The following PABPC4L variants were observed in gnomAD, a reference collection of about 807,000 sequenced individuals.
PABPC4L encodes polyadenylate-binding protein 4-like.
For missense variants in PABPC4L, 452 were observed against 451.4 expected (o/e 1.00, Z -0.01); for synonymous variants, 169 against 164.1 (o/e 1.03, Z -0.23).
the PABPC4L span, among the ~76,000 whole-genome samples, chr4:134,068,628 AGT>A: frequency 6.6e-6 from 1 of 152,024 alleles, no homozygotes; most frequent in African/African-American, 2.4e-5. Flanking sequence ...TATGTACCTC[AGT>A]GTGTTTTTGT....
chr4:134,001,306 A>G, the PABPC4L span, among the ~76,000 whole-genome samples: 1 of 151,868 alleles, frequency 6.6e-6, no homozygotes, highest in Non-Finnish European at 1.5e-5. Flanking sequence ...TAGTAAGGCT[A>G]GTGAACTGGA....
At chr4:134,071,777 G>T in the PABPC4L span, among the ~76,000 whole-genome samples, 1 of 152,120 alleles carries the variant, frequency 6.6e-6, no homozygotes, top group African/African-American at 2.4e-5. Context: ...ACCAGGAAGT[G>T]AAACAATTTA....
At chr4:133,990,165 A>G in the PABPC4L span, among the ~76,000 whole-genome samples, 1 of 152,128 alleles carries the variant, frequency 6.6e-6, no homozygotes, top group African/African-American at 2.4e-5. Context: ...GCACATCACA[A>G]ACATTGATTT....
the PABPC4L span, among the ~76,000 whole-genome samples, chr4:134,142,963 A>G: frequency 1.4e-4 from 21 of 151,554 alleles, no homozygotes; most frequent in Non-Finnish European, 2.5e-4. Flanking sequence ...GGCCTTGTCT[A>G]GTCTAGTCAG....
At chr4:134,056,036 G>C in the PABPC4L span, among the ~76,000 whole-genome samples, 1 of 151,882 alleles carries the variant, frequency 6.6e-6, no homozygotes, top group Non-Finnish European at 1.5e-5. Context: ...AACTATTGAT[G>C]TCCAAATTGC....
At chr4:134,111,874 A>T in the PABPC4L span, among the ~76,000 whole-genome samples, 11 of 152,100 alleles carry the variant, frequency 7.2e-5, no homozygotes, top group Non-Finnish European at 1.6e-4. Flanking sequence ...TGTCTTTGTC[A>T]GCAGCGTGAA....
the PABPC4L span, among the ~76,000 whole-genome samples, chr4:134,073,969 C>T: frequency 1.3e-5 from 2 of 152,168 alleles, no homozygotes; most frequent in Admixed American, 6.5e-5. Context: ...GCCTCCAGGC[C>T]TGATGGAGGG....
At chr4:134,061,499 G>T in the PABPC4L span, among the ~76,000 whole-genome samples, 4 of 151,772 alleles carry the variant, frequency 2.6e-5, no homozygotes, top group African/African-American at 9.7e-5. Context: ...AAAGACAACA[G>T]AGATGTAAAG....
the PABPC4L span, among the ~76,000 whole-genome samples, chr4:133,954,632 A>C: frequency 1.1e-4 from 16 of 152,128 alleles, no homozygotes; most frequent in Admixed American, 5.9e-4. Context: ...CCCTAGGCCT[A>C]GAATTCTTGT....
the PABPC4L span, among the ~76,000 whole-genome samples, chr4:134,010,195 T>C: frequency 6.6e-6 from 1 of 152,070 alleles, no homozygotes; most frequent in East Asian, 1.9e-4. Flanking sequence ...AATAATTATA[T>C]TTTCTACTTC....
At chr4:134,015,951 C>T in the PABPC4L span, among the ~76,000 whole-genome samples, 1 of 152,148 alleles carries the variant, frequency 6.6e-6, no homozygotes, top group South Asian at 2.1e-4. Context: ...CTTCCTGGCT[C>T]CTTCAGCTGT....
chr4:134,184,949 T>C, the PABPC4L span, among the ~76,000 whole-genome samples: 2 of 152,068 alleles, frequency 1.3e-5, no homozygotes, highest in African/African-American at 4.8e-5. Flanking sequence ...CAGCTGTTCA[T>C]ATGCTTATTC....
At chr4:134,081,062 T>C in the PABPC4L span, among the ~76,000 whole-genome samples, 4 of 152,292 alleles carry the variant, frequency 2.6e-5, no homozygotes, top group African/African-American at 9.6e-5. Flanking sequence ...AGTTATCCAA[T>C]ACATATTTTA....
the PABPC4L span, among the ~76,000 whole-genome samples, chr4:133,971,256 G>C: frequency 6.6e-6 from 1 of 151,398 alleles, no homozygotes; most frequent in Non-Finnish European, 1.5e-5. Flanking sequence ...AGACTACAGG[G>C]GCCCGCCACC....
the PABPC4L span, among the ~76,000 whole-genome samples, chr4:134,170,734 A>G: frequency 6.6e-6 from 1 of 151,716 alleles, no homozygotes; most frequent in Non-Finnish European, 1.5e-5. Context: ...TGATCCAAGA[A>G]CCTCCCACCG....
the PABPC4L span, among the ~76,000 whole-genome samples, chr4:134,081,506 G>T: frequency 1.2e-4 from 18 of 152,132 alleles, no homozygotes; most frequent in Non-Finnish European, 2.6e-4. Flanking sequence ...TAAGATTATG[G>T]AGTTTATTTG....
At chr4:134,089,211 C>A in the PABPC4L span, among the ~76,000 whole-genome samples, 1 of 152,020 alleles carries the variant, frequency 6.6e-6, no homozygotes, top group African/African-American at 2.4e-5. Flanking sequence ...TATTTATTTT[C>A]TATGAGATTT....
chr4:134,146,520 G>A, the PABPC4L span, among the ~76,000 whole-genome samples: 8 of 151,998 alleles, frequency 5.3e-5, no homozygotes, highest in Non-Finnish European at 7.4e-5. Context: ...TACTACCACC[G>A]CCAGCAGCTC....
At chr4:134,016,260 G>A in the PABPC4L span, among the ~76,000 whole-genome samples, 70 of 152,190 alleles carry the variant, frequency 4.6e-4, no homozygotes, top group African/African-American at 1.6e-3. Context: ...CCTCACTCTT[G>A]CAAAAGGACT....
Sources: allele counts gnomAD v4.1 joint callset (sites outside exome capture counted in the v4.1 genomes callset), GRCh38; gene constraint gnomAD v4.1.1; transcripts MANE v1.5; gene names NCBI Gene and HGNC (gene_info 2026-07-23, HGNC 2026-07-21).